SAYSD1: variants seen among roughly 807,000 people sequenced by gnomAD.
The protein encoded by SAYSD1 is SAYSvFN domain-containing protein 1.
Under a neutral mutation model 14.5 loss-of-function variants are expected in SAYSD1, and 15 were observed. That is an observed-to-expected ratio of 1.03 (90% CI 0.69 to 1.59). The LOEUF (loss-of-function observed/expected upper bound fraction) is 1.59, where lower values mean the gene tolerates loss of function less well. SAYSD1 is among the 40% of genes most tolerant of loss of function. SAYSD1 has a pLI of 0.00. For synonymous variants in SAYSD1, 105 were observed against 102.6 expected (o/e 1.02, Z -0.14); for missense variants, 247 against 227.3 (o/e 1.09, Z -0.56).
rs758808071 is a variant in SAYSD1 at position 39,105,794 on chromosome 6, A to G, written c.208-18T>C. On this transcript the variant is annotated intron_variant, in intron 1 of 1. Transcript: ENST00000229903. ...GCCGCTTCCTAGGATACACAAACAA[A>G]CAAAAGAAAGAATAAAGGGTAATGG... 4.4e-6 allele frequency: 7 copies of G among 1,603,384 alleles called. No individual in the cohort carries two copies. The South Asian group carries it at 7.8e-5, about 18-fold the overall frequency.
At chr6:39,108,893 T>C (rs1351470515) in intron 1 of SAYSD1, among the ~76,000 whole-genome samples, 2 of 152,216 alleles carry the variant, frequency 1.3e-5, no homozygotes, top group East Asian at 1.9e-4. Context: ...TTTTCTTTCA[T>C]AGCATTTATC....
intron 1 of SAYSD1, chr6:39,109,246 T>C (rs1310769576): frequency 2.0e-5 from 28 of 1,428,502 alleles, no homozygotes; most frequent in Non-Finnish European, 2.5e-5. Context: ...GGTGGTGTGC[T>C]GGGGGCTTGC....
At chr6:39,109,199 A>AGTG in intron 1 of SAYSD1, 1 of 970,978 alleles carries the variant, frequency 1.0e-6, no homozygotes. Context: ...GGAGGTCAGG[A>AGTG]GTGGTGGATG....
At position 39,104,174 on chromosome 6, in the gene SAYSD1, T is replaced by G. The variant is rs1012156305; in HGVS notation, c.*1258A>C. The G allele has an allele frequency of 6.6e-6, 1 of 152,020 alleles. No homozygotes were observed. Among genetic ancestry groups the G allele is most frequent in the Admixed American group, 6.5e-5 (1 of 15,274 alleles). 9.4% of individuals were successfully genotyped at this position (152,020 alleles called of 1,614,324 possible). A position where few individuals can be genotyped will look rare whatever the true frequency, so the allele number is the denominator to read the frequency against. ...TGGAAGAAAAGACTTTTCTGTGAGA[T>G]AGAACAGACCATCTGCTTGACCGGA... is the stretch of plus-strand genomic sequence containing the variant. On this transcript the variant is annotated 3_prime_UTR_variant, in exon 2 of 2. Transcript: ENST00000229903.
At chr6:39,111,136 A>G (rs368841193) in intron 1 of SAYSD1, 1 of 152,192 alleles carries the variant, frequency 6.6e-6, no homozygotes, top group East Asian at 1.9e-4. Context: ...CAAAGTCTTT[A>G]CTTGGACCTT....
At chr6:39,112,151 A>C (rs1769639256) in intron 1 of SAYSD1, 1 of 152,246 alleles carries the variant, frequency 6.6e-6, no homozygotes, top group African/African-American at 2.4e-5. Flanking sequence ...ATGTAAGTAT[A>C]CACAATAAAA....
At chr6:39,114,807 C>G (rs1175202376) in intron 1 of SAYSD1, 76 bp downstream of exon 1, 134 of 1,472,476 alleles carry the variant, frequency 9.1e-5, no homozygotes, top group Non-Finnish European at 1.2e-4. Context: ...TAGGGCCACA[C>G]CCCCGGCAGC....
chr6:39,105,831 T>A, intron 1 of SAYSD1, 55 bp from the exon 2 acceptor site: 1 of 1,494,970 alleles, frequency 6.7e-7, no homozygotes. Context: ...GCTGAGATGA[T>A]CAAAACTAAT....
At chr6:39,113,995 A>T (rs1270396705) in intron 1 of SAYSD1, among the ~76,000 whole-genome samples, 2 of 152,232 alleles carry the variant, frequency 1.3e-5, no homozygotes, top group Non-Finnish European at 2.9e-5. Flanking sequence ...TAATAGATGA[A>T]CTTACAGGAA....
chr6:39,112,681 G>A (rs1274366303), intron 1 of SAYSD1: 7 of 152,194 alleles, frequency 4.6e-5, no homozygotes, highest in East Asian at 1.9e-4. Context: ...GTGGGACTAC[G>A]TAGAGGAGAG....
chr6:39,114,601 T>G (rs1320728414), intron 1 of SAYSD1, among the ~76,000 whole-genome samples: 1 of 152,202 alleles, frequency 6.6e-6, no homozygotes, highest in African/African-American at 2.4e-5. Flanking sequence ...TCACGATAAC[T>G]CAATTCGGAG....
intron 1 of SAYSD1, chr6:39,109,787 G>C: frequency 5.5e-6 from 1 of 182,952 alleles, no homozygotes; most frequent in South Asian, 1.9e-4. Context: ...TATGGCTGAA[G>C]CATATTCCAT....
At chr6:39,111,511 C>T (rs1314401657) in intron 1 of SAYSD1, 2 of 151,988 alleles carry the variant, frequency 1.3e-5, no homozygotes, top group African/African-American at 4.8e-5. Context: ...GGAAGGAGAA[C>T]AAAGAGTATG....
Position 39,114,980 on chromosome 6 carries a change from G to C in SAYSD1, c.110C>G (p.Ala37Gly), listed in dbSNP as rs1268687430. The C allele has an allele frequency of 4.3e-6, 7 of 1,613,922 alleles. No homozygotes were observed. In the East Asian group the frequency reaches 1.6e-4, roughly 36 times the overall value. The change falls in exon 1 of 2, where the codon GCA becomes GGA. Residue 37 changes from alanine (A) to glycine (G), a missense_variant. Physicochemically the swap from Ala to Gly is moderately conservative, Grantham distance 60. Transcript: ENST00000229903. ...TGGGGCTGCCTTTAGAGTCGCTGCT[G>C]CTTCCGCCTTCTCTCCTGGGGTTTG... is the stretch of plus-strand genomic sequence containing the variant. ...GAQTPGEKAE[A>G]AATLKAAPGW...
chr6:39,105,643 C>G lies in SAYSD1; in HGVS notation c.341G>C (p.Gly114Ala). Residue 114 changes from glycine (G) to alanine (A), a missense_variant, in exon 2 of 2, where the codon GGA (glycine) becomes GCA (alanine). By Grantham distance (60) the Gly-to-Ala change is moderately conservative. Coordinates refer to ENST00000229903, the MANE Select transcript of SAYSD1 (RefSeq NM_018322.3). ...GCCAAATTCCAGTTCCACAAACAGT[C>G]CCAGCAGGACCAACCAGAGAAGAAC... is the stretch of plus-strand genomic sequence containing the variant. ...LKVLLWLVLL[G>A]LFVELEFGLA... The G allele has an allele frequency of 5.0e-6, 8 of 1,614,166 alleles. No individual in the cohort carries two copies. Among genetic ancestry groups the G allele is most frequent in the Non-Finnish European group, 6.8e-6 (8 of 1,180,026 alleles).
At chr6:39,109,251 G>T in intron 1 of SAYSD1, 2 of 1,453,366 alleles carry the variant, frequency 1.4e-6, no homozygotes, top group Non-Finnish European at 1.9e-6. Context: ...TGTGCTGGGG[G>T]CTTGCCTGGG....
intron 1 of SAYSD1, among the ~76,000 whole-genome samples, 158 bp downstream of exon 1, chr6:39,114,725 A>G (rs1769701239): frequency 6.6e-6 from 1 of 152,202 alleles, no homozygotes; most frequent in Non-Finnish European, 1.5e-5. Context: ...AACAGTGCTG[A>G]CACGTGTGGC....
chr6:39,109,944 G>GTA lies in SAYSD1; in HGVS notation c.208-4170_208-4169dup, dbSNP rs1248951603. ...TCTGGATGAAGAGTATTCCATTTGT[G>GTA]TATATATACTACAGTTTCTTTATCC... On this transcript the variant is annotated intron_variant, in intron 1 of 1. Coordinates refer to ENST00000229903, the MANE Select transcript of SAYSD1 (RefSeq NM_018322.3). Among the ~76,000 whole-genome samples, 5 of 152,074 alleles carry GTA rather than the reference G, an allele frequency of 3.3e-5. No individual in the cohort carries two copies. In the East Asian group the frequency reaches 9.6e-4, roughly 29 times the overall value.
At chr6:39,112,267 A>G (rs1769642495) in intron 1 of SAYSD1, 1 of 153,372 alleles carries the variant, frequency 6.5e-6, no homozygotes, top group African/African-American at 2.4e-5. Context: ...CAAAAACAGT[A>G]TCCCAGTATG....
Sources: allele counts gnomAD v4.1 joint callset (sites outside exome capture counted in the v4.1 genomes callset), GRCh38; gene constraint gnomAD v4.1.1; transcripts MANE v1.5; gene names NCBI Gene and HGNC (gene_info 2026-07-23, HGNC 2026-07-21).